The following DDR2 variants were observed in gnomAD, a reference collection of about 807,000 sequenced individuals.
DDR2 encodes the protein discoidin domain receptor tyrosine kinase 2, also known as discoidin domain-containing receptor 2.
A neutral mutation model predicts 94.9 loss-of-function variants in DDR2; 27 were observed. The observed-to-expected ratio is 0.28, with a 90% CI of 0.21 to 0.39. The LOEUF (loss-of-function observed/expected upper bound fraction) is 0.39, where lower values mean the gene tolerates loss of function less well. Among genes scored for constraint, DDR2 ranks in the 10% least tolerant of loss-of-function variants. The pLI is 1.00. For missense variants in DDR2, 783 were observed against 1,076.0 expected (o/e 0.73, Z 3.81); for synonymous variants, 382 against 377.2 (o/e 1.01, Z -0.15).
At chr1:162,773,739 T>G in intron 14 of DDR2, 143 bp downstream of exon 14, 1 of 1,144,880 alleles carries the variant, frequency 8.7e-7, no homozygotes. Flanking sequence ...TCCTTTTTCT[T>G]ATTCCGATGG....
At chr1:162,652,013 T>C (rs778985899) in intron 1 of DDR2, among the ~76,000 whole-genome samples, 2 of 152,238 alleles carry the variant, frequency 1.3e-5, no homozygotes, top group Admixed American at 6.5e-5. Context: ...GGGTGTTATC[T>C]TTCCTAGTTG....
chr1:162,768,756 C>T (rs1664121339), intron 11 of DDR2, among the ~76,000 whole-genome samples: 1 of 152,134 alleles, frequency 6.6e-6, no homozygotes, highest in Non-Finnish European at 1.5e-5. Context: ...TCCTTGCTTC[C>T]CACAAGTATG....
Position 162,775,716 on chromosome 1 carries a change from T to C in DDR2, c.1921T>C (p.Leu641=), listed in dbSNP as rs747925234. The C allele has an allele frequency of 6.2e-7, 1 of 1,614,120 alleles. No individual in the cohort carries two copies. The highest frequency in any genetic ancestry group is 8.5e-7 in the Non-Finnish European group (1 of 1,180,008). ...CAAGGACCCAAACATCATCCATCTA[T>C]TAGCTGTGTGTATCACTGATGACCC... ...RLKDPNIIHL[L]AVCITDDPLC... Residue 641 remains leucine (L), a synonymous_variant, in exon 15 of 18, where the codon TTA becomes CTA. Transcript: ENST00000367921.
At chr1:162,660,304 CA>C (rs1301966199) in intron 2 of DDR2, among the ~76,000 whole-genome samples, 12 of 152,240 alleles carry the variant, frequency 7.9e-5, no homozygotes, top group African/African-American at 2.9e-4. Flanking sequence ...CAGTATTTAT[CA>C]GGCATTATTT....
chr1:162,673,593 GTA>G (rs147642827), intron 2 of DDR2, among the ~76,000 whole-genome samples: 23,070 of 138,334 alleles, frequency 0.17, 2,105 homozygotes, highest in African/African-American at 0.29. Flanking sequence ...GTGTGTGTGT[GTA>G]TGTGTGTGTG....
Position 162,719,038 on chromosome 1 carries a change from C to T in DDR2, c.-26C>T. 1 of 1,613,652 alleles carries T rather than the reference C, an allele frequency of 6.2e-7. No homozygotes were observed. Among genetic ancestry groups the T allele is most frequent in the Non-Finnish European group, 8.5e-7 (1 of 1,179,668 alleles). ...TCTTGCATTATTGGTTGGTGGCAGA[C>T]TCCAGTTCCAACACCATCTTCTGAG... On this transcript the variant is annotated splice_region_variant and 5_prime_UTR_variant, in exon 3 of 18. Coordinates refer to ENST00000367921, the MANE Select transcript of DDR2 (RefSeq NM_006182.4).
At chr1:162,770,254 C>T (rs759128118) in intron 11 of DDR2, 48 bp from the exon 12 acceptor site, 1 of 1,570,194 alleles carries the variant, frequency 6.4e-7, no homozygotes, top group African/African-American at 1.4e-5. Flanking sequence ...GAGGCATTGA[C>T]CATCTCTTTT....
chr1:162,774,958 G>C (rs1210343090), intron 14 of DDR2, among the ~76,000 whole-genome samples: 1 of 152,108 alleles, frequency 6.6e-6, no homozygotes, highest in East Asian at 1.9e-4. Flanking sequence ...TTGGGAATGT[G>C]GGCTAGAGGC....
At chr1:162,659,689 G>A (rs887035284) in intron 2 of DDR2, among the ~76,000 whole-genome samples, 6 of 152,150 alleles carry the variant, frequency 3.9e-5, no homozygotes, top group Non-Finnish European at 5.9e-5. Flanking sequence ...CATTTCTGAT[G>A]TCCCTCTCGC....
At chr1:162,769,961 C>T (rs1478586324) in intron 11 of DDR2, among the ~76,000 whole-genome samples, 1 of 152,076 alleles carries the variant, frequency 6.6e-6, no homozygotes, top group Non-Finnish European at 1.5e-5. Context: ...GAAAACCCAT[C>T]ATTTAATAAA....
chr1:162,782,397 GTAGTAA>G lies in DDR2; in HGVS notation c.*2158_*2163del, dbSNP rs113440987. 1,773 of 152,248 alleles carry G rather than the reference GTAGTAA, an allele frequency of 0.012. 36 individuals are homozygous for G. Among genetic ancestry groups the G allele is most frequent in the African/African-American group, 0.04 (1,681 of 41,522 alleles). 9.4% of individuals were successfully genotyped at this position (152,248 alleles called of 1,614,324 possible). ...GATCATGGAAGAAATCACTGTAATG[GTAGTAA>G]TAGTAACACATGCCATTTGTATTGT... is the stretch of plus-strand genomic sequence containing the variant. On this transcript the variant is annotated 3_prime_UTR_variant, in exon 18 of 18. Transcript: ENST00000367921.
intron 5 of DDR2, 21 bp downstream of exon 5, chr1:162,754,876 G>A (rs760936982): frequency 3.4e-5 from 55 of 1,613,208 alleles, no homozygotes; most frequent in Non-Finnish European, 4.2e-5. Context: ...GAGACATCCA[G>A]ATCCTGGATG....
intron 3 of DDR2, among the ~76,000 whole-genome samples, chr1:162,751,801 G>A (rs1397482965): frequency 6.6e-6 from 1 of 152,178 alleles, no homozygotes; most frequent in African/African-American, 2.4e-5. Context: ...TATACACCAT[G>A]GAATACTATG....
intron 3 of DDR2, among the ~76,000 whole-genome samples, chr1:162,747,668 C>T (rs973480117): frequency 6.6e-6 from 1 of 152,056 alleles, no homozygotes; most frequent in Admixed American, 6.6e-5. Context: ...AGATACTCCT[C>T]GAGAAGAGCA....
intron 9 of DDR2, among the ~76,000 whole-genome samples, chr1:162,763,235 C>G (rs1255984705): frequency 7.0e-6 from 1 of 143,678 alleles, no homozygotes; most frequent in Non-Finnish European, 1.5e-5. Flanking sequence ...GGCTGGAGTA[C>G]TATCTTGAGT....
At chr1:162,754,888 C>G (rs1663383554) in intron 5 of DDR2, 33 bp downstream of exon 5, 1 of 1,611,472 alleles carries the variant, frequency 6.2e-7, no homozygotes, top group East Asian at 2.2e-5. Flanking sequence ...TCCTGGATGT[C>G]CAAGACCATA....
chr1:162,648,456 G>A (rs1198940500), intron 1 of DDR2, among the ~76,000 whole-genome samples: 1 of 152,082 alleles, frequency 6.6e-6, no homozygotes, highest in Non-Finnish European at 1.5e-5. Context: ...ATTAAATAGA[G>A]CTTTGGATGT....
intron 3 of DDR2, among the ~76,000 whole-genome samples, chr1:162,751,500 G>A (rs1282858374): frequency 6.6e-6 from 1 of 152,230 alleles, no homozygotes; most frequent in Admixed American, 6.5e-5. Context: ...GGAAACAACA[G>A]GTGCTGGAGA....
chr1:162,694,183 C>T (rs180919755), intron 2 of DDR2, among the ~76,000 whole-genome samples: 29 of 152,170 alleles, frequency 1.9e-4, no homozygotes, highest in African/African-American at 6.7e-4. Context: ...ATTTTTTTCT[C>T]TTCTGATTTT....
Sources: allele counts gnomAD v4.1 joint callset (sites outside exome capture counted in the v4.1 genomes callset), GRCh38; gene constraint gnomAD v4.1.1; transcripts MANE v1.5; gene names NCBI Gene and HGNC (gene_info 2026-07-23, HGNC 2026-07-21).